ADGRG1: variants seen among roughly 807,000 people sequenced by gnomAD.
ADGRG1 encodes the protein 7-transmembrane protein with no EGF-like N-terminal domains-1.
Under a neutral mutation model 73.5 loss-of-function variants are expected in ADGRG1, and 53 were observed. The ratio of observed to expected loss-of-function variants is 0.72; its 90% confidence interval spans 0.58 to 0.91. ADGRG1 has a LOEUF of 0.91. Among genes scored for constraint, ADGRG1 ranks in the 40% least tolerant of loss-of-function variants. The probability of loss-of-function intolerance (pLI) is 0.00; values close to 1 mark genes in which losing one functional copy is unlikely to be tolerated. For synonymous variants in ADGRG1, 394 were observed against 374.4 expected (o/e 1.05, Z -0.60); for missense variants, 795 against 871.8 (o/e 0.91, Z 1.11).
intron 1 of ADGRG1, among the ~76,000 whole-genome samples, chr16:57,632,601 C>T (rs1412937867): frequency 2.0e-5 from 3 of 152,330 alleles, no homozygotes; most frequent in East Asian, 1.9e-4. Context: ...GGGAGAGCTG[C>T]GGCCACCTGG....
At chr16:57,621,797 C>T in intron 2 of ADGRG1, 1 of 921,790 alleles carries the variant, frequency 1.1e-6, no homozygotes, top group Non-Finnish European at 1.3e-6. Context: ...GCTGCTGATG[C>T]AAGAGGCACA....
upstream of ADGRG1, chr16:57,627,380 G>A (rs2036050049): frequency 6.6e-6 from 1 of 152,470 alleles, no homozygotes; most frequent in South Asian, 2.1e-4. Flanking sequence ...TGAGTGGTTA[G>A]GAGACCCGCT....
At chr16:57,646,052 G>A (rs2042551871) in intron 1 of ADGRG1, 1 of 152,284 alleles carries the variant, frequency 6.6e-6, no homozygotes, top group East Asian at 1.9e-4. Context: ...TGTGTAAAGG[G>A]AAGAAGGAAG....
At chr16:57,647,061 C>T (rs1412362455) in intron 1 of ADGRG1, 3 of 308,562 alleles carry the variant, frequency 9.7e-6, no homozygotes, top group Non-Finnish European at 1.1e-5. Context: ...TCCCTGGCGC[C>T]TGGGTGGGTG....
chr16:57,644,549 A>G (rs1357440257), intron 1 of ADGRG1, among the ~76,000 whole-genome samples: 2 of 139,224 alleles, frequency 1.4e-5, no homozygotes, highest in Non-Finnish European at 3.0e-5. Flanking sequence ...AGGCACACAC[A>G]TGCACACACG....
chr16:57,630,048 A>G lies in ADGRG1; in HGVS notation c.-36+1246A>G, dbSNP rs527548080. The G allele has an allele frequency of 1.6e-5, 16 of 976,242 alleles. No individual in the cohort carries two copies. In the Admixed American group the frequency reaches 9.8e-4, roughly 60 times the overall value. 60.5% of individuals were successfully genotyped at this position (976,242 alleles called of 1,614,324 possible). A position where few individuals can be genotyped will look rare whatever the true frequency, so the allele number is the denominator to read the frequency against. Reference sequence around the variant, plus strand: ...TGTTGCTCCTTCAGTGGACCAAGAAAGTTATTTATAGAAGCATTTATTGAG... The same window carrying G: ...TGTTGCTCCTTCAGTGGACCAAGAAGGTTATTTATAGAAGCATTTATTGAG... On this transcript the variant is annotated intron_variant, in intron 1 of 13. Transcript: ENST00000562631.
intron 1 of ADGRG1, chr16:57,644,257 G>A: frequency 1.1e-6 from 1 of 891,862 alleles, no homozygotes; most frequent in Non-Finnish European, 1.3e-6. Context: ...CACATGCACA[G>A]TCATGCACGG....
chr16:57,625,928 C>T (rs1227701873), upstream of ADGRG1, among the ~76,000 whole-genome samples: 3 of 152,302 alleles, frequency 2.0e-5, no homozygotes, highest in African/African-American at 4.8e-5. Flanking sequence ...CTCTGTTTAT[C>T]GAAGCCCCCT....
At chr16:57,623,957 ATC>A (rs1346218869), upstream of ADGRG1, 1 of 391,494 alleles carries the variant, frequency 2.6e-6, no homozygotes, top group Non-Finnish European at 3.5e-6. Context: ...CTCAGTTTTC[ATC>A]TCTGTTAAAT....
rs903372488 is a variant in ADGRG1 at position 57,651,890 on chromosome 16, G to A, written c.487+268G>A. On this transcript the variant is annotated intron_variant, in intron 3 of 13. Transcript: ENST00000562631. Reference sequence around the variant, plus strand: ...GGTGAGGATGGAAGGGCAAGGGCCCGTCCTGAGGCTGCAGAGAAGGTCTTG... The same window carrying A: ...GGTGAGGATGGAAGGGCAAGGGCCCATCCTGAGGCTGCAGAGAAGGTCTTG... 103 of 1,406,600 alleles carry A rather than the reference G, an allele frequency of 7.3e-5. No homozygotes were observed. In the Middle Eastern group the frequency reaches 1.0e-3, roughly 14 times the overall value. The allele number at this position is 1,406,600 out of a possible 1,614,324, so 87.1% of individuals were successfully genotyped here. A position where few individuals can be genotyped will look rare whatever the true frequency, so the allele number is the denominator to read the frequency against.
At chr16:57,653,360 A>T (rs1274519443) in intron 4 of ADGRG1, 25 bp downstream of exon 4, 2 of 1,603,888 alleles carry the variant, frequency 1.2e-6, no homozygotes, top group Non-Finnish European at 1.7e-6. Flanking sequence ...TGGGGCTGTG[A>T]GGGGAGGCAG....
Position 57,660,821 on chromosome 16 carries a change from G to A in ADGRG1, c.1609G>A (p.Gly537Ser). 6.2e-7 allele frequency: 1 copy of A among 1,613,512 alleles called. No individual in the cohort carries two copies. Among genetic ancestry groups the A allele is most frequent in the Non-Finnish European group, 8.5e-7 (1 of 1,179,468 alleles). ...GGCCCTGGTGGATGTGGACAACTAT[G>A]GCCCCATCATCTTGGCTGTGCATAG... is the stretch of plus-strand genomic sequence containing the variant. ...LVALVDVDNY[G>S]PIILAVHRTP... The change falls in exon 12 of 14, where the codon GGC becomes AGC. Residue 537 changes from glycine to serine, a missense_variant. By Grantham distance (56) the Gly-to-Ser change is moderately conservative. Coordinates refer to ENST00000562631, the MANE Select transcript of ADGRG1 (RefSeq NM_201525.4).
intron 3 of ADGRG1, chr16:57,651,907 A>G (rs957710520): frequency 1.4e-6 from 2 of 1,388,026 alleles, no homozygotes; most frequent in African/African-American, 2.9e-5. Context: ...GGCTGCAGAG[A>G]AGGTCTTGGT....
intron 2 of ADGRG1, 60 bp from the exon 3 acceptor site, chr16:57,651,140 C>T (rs765446340): frequency 6.8e-6 from 11 of 1,610,306 alleles, no homozygotes; most frequent in Admixed American, 3.3e-5. Flanking sequence ...GTCCTGTCCC[C>T]TTCCATGCCT....
Position 57,638,764 on chromosome 16 carries a change from C to A in ADGRG1, c.-36+9962C>A, listed in dbSNP as rs1226142480. The stretch of plus-strand genomic sequence containing the variant: ...TAATTTGGTTACTGGGTGGCCTGCA[C>A]TGGGTTCTAAAAAGATTTGGTTTTG... On this transcript the variant is annotated intron_variant, in intron 1 of 13. Coordinates refer to ENST00000562631, the MANE Select transcript of ADGRG1 (RefSeq NM_201525.4). 7.9e-5 allele frequency among the ~76,000 whole-genome samples: 12 copies of A among 152,108 alleles called. 1 individual carries two copies. Among genetic ancestry groups the A allele is most frequent in the Admixed American group, 7.9e-4 (12 of 15,258 alleles).
At chr16:57,647,517 A>C in intron 1 of ADGRG1, 137 of 802,608 alleles carry the variant, frequency 1.7e-4, no homozygotes, top group African/African-American at 2.0e-4. Flanking sequence ...TTTAATTCTC[A>C]CAATGACCTT....
At chr16:57,663,266 C>T in intron 13 of ADGRG1, 186 bp from the exon 14 acceptor site, 7 of 940,262 alleles carry the variant, frequency 7.4e-6, no homozygotes, top group East Asian at 1.2e-4. Flanking sequence ...AGAGGCCACA[C>T]GGGGACGCAG....
intron 1 of ADGRG1, chr16:57,629,155 T>G (rs1597052163): frequency 1.0e-6 from 1 of 982,852 alleles, no homozygotes; most frequent in Non-Finnish European, 1.2e-6. Context: ...GGGATGGTGG[T>G]GAAATGGGGA....
Position 57,663,612 on chromosome 16 carries a change from G to A in ADGRG1, c.*30G>A, listed in dbSNP as rs769701421. The A allele has an allele frequency of 1.2e-6, 2 of 1,608,906 alleles. No individual in the cohort carries two copies. The highest frequency in any genetic ancestry group is 1.7e-6 in the Non-Finnish European group (2 of 1,179,090). ...CCAGCCCACCTGCCCATGTGATGAA[G>A]CAGAGATTCGGCCTCGTCGCACACT... On this transcript the variant is annotated 3_prime_UTR_variant, in exon 14 of 14. Coordinates refer to ENST00000562631, the MANE Select transcript of ADGRG1 (RefSeq NM_201525.4).
Sources: allele counts gnomAD v4.1 joint callset (sites outside exome capture counted in the v4.1 genomes callset), GRCh38; gene constraint gnomAD v4.1.1; transcripts MANE v1.5; gene names NCBI Gene and HGNC (gene_info 2026-07-23, HGNC 2026-07-21).